TRIM48: variants seen among roughly 807,000 people sequenced by gnomAD.
TRIM48 encodes the protein E3 ubiquitin-protein ligase TRIM48.
TRIM48 carries 31 observed loss-of-function variants against 29.5 expected under a neutral mutation model. The observed-to-expected ratio is 1.05, with a 90% confidence interval of 0.79 to 1.42. The LOEUF is 1.42. Ranked by LOEUF, TRIM48 falls within the 40% of genes most tolerant of loss-of-function variation. The pLI is 0.00. For missense variants in TRIM48, 344 were observed against 265.0 expected (o/e 1.30, Z -2.07); for synonymous variants, 128 against 90.6 (o/e 1.41, Z -2.34).
Position 55,265,797 on chromosome 11 carries a change from C to A in TRIM48, c.555+102C>A, listed in dbSNP as rs370869233. On this transcript the variant is annotated intron_variant, in intron 3 of 5. Transcript: ENST00000417545. ...ATCAAACCGTAATGTTTCTGGGAGT[C>A]AAAAAAAAAAAAAAAAGAGAAGAAA... is the stretch of plus-strand genomic sequence containing the variant. 9.6e-3 allele frequency: 8,090 copies of A among 844,968 alleles called. 1 individual carries two copies. Among genetic ancestry groups the A allele is most frequent in the South Asian group, 0.032 (1,252 of 38,752 alleles). The allele number at this position is 844,968 out of a possible 1,614,324, so 52.3% of individuals were successfully genotyped here. A position where few individuals can be genotyped will look rare whatever the true frequency, so the allele number is the denominator to read the frequency against.
At chr11:55,269,145 G>T in intron 4 of TRIM48, 97 bp from the exon 5 acceptor site, 2 of 1,453,842 alleles carry the variant, frequency 1.4e-6, no homozygotes, top group East Asian at 2.7e-5. Flanking sequence ...AAATTTGTGG[G>T]TTCAAAGGAT....
At chr11:55,267,332 A>C (rs1857408839) in intron 3 of TRIM48, 1 of 1,438,308 alleles carries the variant, frequency 7.0e-7, no homozygotes, top group Non-Finnish European at 9.5e-7. Flanking sequence ...TGTTCGAGAG[A>C]CAAAAGGAAT....
At chr11:55,267,604 A>C in intron 3 of TRIM48, 2 of 1,563,778 alleles carry the variant, frequency 1.3e-6, no homozygotes, top group Non-Finnish European at 1.7e-6. Flanking sequence ...GAGCTGATGA[A>C]AATGTGCCAT....
intron 5 of TRIM48, 133 bp from the exon 6 acceptor site, chr11:55,270,303 GC>G (rs1219304143): frequency 1.0e-5 from 7 of 679,546 alleles, no homozygotes; most frequent in Non-Finnish European, 1.6e-5. Context: ...GAAGTTACAA[GC>G]AAAAGTGTCC....
In TRIM48 at chr11:55,267,394, A is replaced by T. The variant is rs774822241; in HGVS notation, c.556-956A>T. On this transcript the variant is annotated intron_variant, in intron 3 of 5. Transcript: ENST00000417545. ...TATACATTTCTCTTTTGACTAACCC[A>T]TTATTACTGCCGTATTATGTGAATG... 224 of 1,573,086 alleles carry T rather than the reference A, an allele frequency of 1.4e-4. 27 individuals carry two copies. Among genetic ancestry groups the T allele is most frequent in the Non-Finnish European group, 1.7e-4 (199 of 1,158,582 alleles).
rs527699050 is a variant in TRIM48 at position 55,268,384 on chromosome 11, C to T, written c.578+12C>T. On this transcript the variant is annotated intron_variant, in intron 4 of 5. Transcript: ENST00000417545. The stretch of plus-strand genomic sequence containing the variant: ...GACATATTATACAGGTGAGTATGTA[C>T]CTGGATTTTAGCATATGTTCTTTCA... The T allele has an allele frequency of 9.7e-6, 15 of 1,547,480 alleles. 3 individuals carry two copies. The South Asian group carries it at 1.1e-4, about 12-fold the overall frequency.
At chr11:55,262,338 T>G in intron 1 of TRIM48, 27 bp downstream of exon 1, 1 of 1,485,402 alleles carries the variant, frequency 6.7e-7, no homozygotes, top group South Asian at 1.2e-5. Context: ...TTGATAAAAT[T>G]ATATCTTCTT....
chr11:55,262,609 A>T (rs1286098886), intron 1 of TRIM48, among the ~76,000 whole-genome samples: 2 of 152,164 alleles, frequency 1.3e-5, no homozygotes, highest in Non-Finnish European at 2.9e-5. Context: ...AGGTGTGTGT[A>T]AATATATGTG....
chr11:55,269,407 A>T lies in TRIM48; in HGVS notation c.*1+68A>T, dbSNP rs1417305352. The T allele has an allele frequency of 2.0e-6, 3 of 1,522,244 alleles. 1 individual carries two copies. Among genetic ancestry groups the T allele is most frequent in the African/African-American group, 1.4e-5 (1 of 72,548 alleles). The allele number at this position is 1,522,244 out of a possible 1,614,324, so 94.3% of individuals were successfully genotyped here. A position where few individuals can be genotyped will look rare whatever the true frequency, so the allele number is the denominator to read the frequency against. ...TATTATTGTTAGGATCACATAGGTAATATTTCATCCTTTATCAAATATTTT... is the reference window on the plus strand; with the variant it reads ...TATTATTGTTAGGATCACATAGGTATTATTTCATCCTTTATCAAATATTTT... On this transcript the variant is annotated intron_variant, in intron 5 of 5. Transcript: ENST00000417545.
chr11:55,267,432 C>T, intron 3 of TRIM48: 1 of 1,577,872 alleles, frequency 6.3e-7, no homozygotes, highest in South Asian at 1.2e-5. Context: ...AGGCTAGAAG[C>T]TATTAAAGCT....
chr11:55,268,594 T>C (rs1047623350), intron 4 of TRIM48, among the ~76,000 whole-genome samples: 2 of 147,944 alleles, frequency 1.4e-5, no homozygotes, highest in African/African-American at 2.5e-5. Context: ...TTCCTGACTT[T>C]GTTTTATTGC....
rs1565077621 is a variant in TRIM48, at chr11:55,265,102, A to C, written c.247A>C (p.Asn83His). Residue 83 changes from asparagine to histidine, a missense_variant, in exon 2 of 6, where the codon AAC (asparagine) becomes CAC (histidine). By Grantham distance (68) the Asn-to-His change is moderately conservative. Transcript: ENST00000417545. ...KTIQQRNLKT[N>H]IRLKKMASLA... ...AATACAGCAGAGAAACCTCAAAACT[A>C]ACATTCGATTGAAGAAGATGGCTTC... 1.3e-6 allele frequency: 2 copies of C among 1,583,028 alleles called. No individual in the cohort carries two copies. The highest frequency in any genetic ancestry group is 1.4e-5 in the African/African-American group (1 of 73,772).
rs372330471 is a variant in TRIM48 at position 55,270,961 on chromosome 11, C to T, written c.*526C>T. 1.3e-6 allele frequency: 2 copies of T among 1,541,734 alleles called. No individual in the cohort carries two copies. The highest frequency in any genetic ancestry group is 1.8e-6 in the Non-Finnish European group (2 of 1,139,662). On this transcript the variant is annotated 3_prime_UTR_variant, in exon 6 of 6. Coordinates refer to ENST00000417545, the MANE Select transcript of TRIM48 (RefSeq NM_024114.5). ...ACCAGAGACAAATCAGAAATGTGTT[C>T]ATCTGCTGTGGGAACCCCTTTATCC...
chr11:55,263,981 C>T (rs1389883552), intron 1 of TRIM48, among the ~76,000 whole-genome samples: 3 of 152,116 alleles, frequency 2.0e-5, no homozygotes, highest in African/African-American at 7.2e-5. Flanking sequence ...GATGGTCCCA[C>T]TCAGCTCACC....
Position 55,271,023 on chromosome 11 carries a change from C to T in TRIM48, c.*588C>T. On this transcript the variant is annotated 3_prime_UTR_variant, in exon 6 of 6. Coordinates refer to ENST00000417545, the MANE Select transcript of TRIM48 (RefSeq NM_024114.5). ...CTTCCTTGTGCCTTATCAAACAGGACAAATAGGTTCGGTTTTATGTCTTGA... is the reference window on the plus strand; with the variant it reads ...CTTCCTTGTGCCTTATCAAACAGGATAAATAGGTTCGGTTTTATGTCTTGA... 2 of 1,466,508 alleles carry T rather than the reference C, an allele frequency of 1.4e-6. No homozygotes were observed. Among genetic ancestry groups the T allele is most frequent in the South Asian group, 1.3e-5 (1 of 75,064 alleles). The allele number at this position is 1,466,508 out of a possible 1,614,324, so 90.8% of individuals were successfully genotyped here. A position where few individuals can be genotyped will look rare whatever the true frequency, so the allele number is the denominator to read the frequency against.
chr11:55,263,609 C>A (rs574632430), intron 1 of TRIM48, among the ~76,000 whole-genome samples: 4 of 152,092 alleles, frequency 2.6e-5, no homozygotes, highest in Non-Finnish European at 4.4e-5. Context: ...TTGCAGTGAG[C>A]CGAGATTGCA....
At position 55,269,994 on chromosome 11, in the gene TRIM48, T is replaced by G. The variant is rs554359128; in HGVS notation, c.*2-443T>G. 2.0e-5 allele frequency among the ~76,000 whole-genome samples: 3 copies of G among 148,028 alleles called. 1 individual carries two copies. The highest frequency in any genetic ancestry group is 1.4e-4 in the Admixed American group (2 of 14,610). On this transcript the variant is annotated intron_variant, in intron 5 of 5. Coordinates refer to ENST00000417545, the MANE Select transcript of TRIM48 (RefSeq NM_024114.5). Reference sequence around the variant, plus strand: ...CTGCTTCAAATGATCACTTATGACATGTACTTATGGATTTTTATCCAGTTA... The same window carrying G: ...CTGCTTCAAATGATCACTTATGACAGGTACTTATGGATTTTTATCCAGTTA...
At chr11:55,265,767 T>C in intron 3 of TRIM48, 72 bp downstream of exon 3, 1 of 1,434,490 alleles carries the variant, frequency 7.0e-7, no homozygotes, top group Non-Finnish European at 9.4e-7. Flanking sequence ...AAATAGGAAC[T>C]TGATATCAAA....
At chr11:55,267,002 G>A (rs1345124415) in intron 3 of TRIM48, among the ~76,000 whole-genome samples, 3 of 147,706 alleles carry the variant, frequency 2.0e-5, no homozygotes, top group Middle Eastern at 3.5e-3. Context: ...GTTAGTCTAA[G>A]GTCATTTCAT....
Sources: gnomAD v4.1 joint callset for allele counts (sites outside exome capture counted in the v4.1 genomes callset) on GRCh38, gnomAD v4.1.1 for gene constraint, MANE v1.5 for transcripts, NCBI Gene and HGNC (gene_info 2026-07-23, HGNC 2026-07-21) for gene names.